CSMD1: variants seen among roughly 807,000 people sequenced by gnomAD.
The protein encoded by CSMD1 is CUB and sushi domain-containing protein 1.
Under a neutral mutation model 417.5 loss-of-function variants are expected in CSMD1, and 213 were observed. The observed-to-expected ratio is 0.51, with a 90% CI of 0.46 to 0.57. The LOEUF (loss-of-function observed/expected upper bound fraction) is 0.57. Among genes scored for constraint, CSMD1 ranks in the 20% least tolerant of loss-of-function variants. The pLI is 0.00. For synonymous variants in CSMD1, 2,862 were observed against 1,736.8 expected, an observed-to-expected ratio of 1.65 and a Z score of -16.11; for missense variants, 6,923 against 4,529.7, an observed-to-expected ratio of 1.53 and a Z score of -15.17.
intron 2 of CSMD1, among the ~76,000 whole-genome samples, chr8:4,519,869 G>C (rs1409510379): frequency 6.7e-6 from 1 of 149,126 alleles, no homozygotes; most frequent in Non-Finnish European, 1.5e-5. Context: ...CACTAGATTT[G>C]GTTCATGAGG....
rs369235539 is a variant in CSMD1, at chr8:4,098,951, C to G, written c.416-66852G>C. ...GTACAACACAGAAAAAATGTTAAAA[C>G]TGTTTTACAATTTTCAAAGAGGTAA... On this transcript the variant is annotated intron_variant, in intron 3 of 69. Coordinates refer to ENST00000635120, the MANE Select transcript of CSMD1 (RefSeq NM_033225.6). Among the ~76,000 whole-genome samples, 3 of 152,158 alleles carry G rather than the reference C, an allele frequency of 2.0e-5. No individual in the cohort carries two copies. The East Asian group carries it at 5.8e-4, about 29-fold the overall frequency.
chr8:4,016,326 T>C (rs1231430162), intron 4 of CSMD1, among the ~76,000 whole-genome samples: 1 of 152,110 alleles, frequency 6.6e-6, no homozygotes, highest in Non-Finnish European at 1.5e-5. Context: ...AATTAACTAC[T>C]GACCAACTGA....
At chr8:3,350,114 TG>T (rs1236525908) in intron 21 of CSMD1, among the ~76,000 whole-genome samples, 1 of 126,102 alleles carries the variant, frequency 7.9e-6, no homozygotes. Flanking sequence ...CTTGTGTATG[TG>T]TGTGTTACAA....
intron 5 of CSMD1, among the ~76,000 whole-genome samples, chr8:3,769,459 T>C (rs1029210311): frequency 8.2e-5 from 9 of 109,304 alleles, no homozygotes; most frequent in African/African-American, 2.2e-4. Flanking sequence ...GCTGAACTCA[T>C]TGTTTTTCTT....
At chr8:4,944,034 G>A (rs1808205494) in intron 1 of CSMD1, among the ~76,000 whole-genome samples, 1 of 152,116 alleles carries the variant, frequency 6.6e-6, no homozygotes. Flanking sequence ...AAAATAAGCT[G>A]GAAAGTCTGG....
chr8:4,790,014 T>G (rs1375764745), intron 1 of CSMD1, among the ~76,000 whole-genome samples: 2 of 152,146 alleles, frequency 1.3e-5, no homozygotes, highest in African/African-American at 4.8e-5. Flanking sequence ...CAAGTTATAG[T>G]GATGAAAAGG....
chr8:3,776,516 G>T (rs149206264), intron 5 of CSMD1, among the ~76,000 whole-genome samples: 2 of 152,094 alleles, frequency 1.3e-5, no homozygotes, highest in Admixed American at 6.5e-5. Flanking sequence ...ACACCCTGGG[G>T]CCTTGGAACT....
intron 23 of CSMD1, among the ~76,000 whole-genome samples, chr8:3,327,649 A>G (rs1210226311): frequency 4.6e-5 from 7 of 152,222 alleles, no homozygotes; most frequent in Non-Finnish European, 8.8e-5. Context: ...TTTGAGGTAG[A>G]CCACTCATTT....
At chr8:3,997,549 TAAAAG>T (rs887588804) in intron 5 of CSMD1, among the ~76,000 whole-genome samples, 2 of 152,094 alleles carry the variant, frequency 1.3e-5, no homozygotes, top group African/African-American at 4.8e-5. Context: ...TAACGTGAGA[TAAAAG>T]AAAATACACA....
intron 1 of CSMD1, among the ~76,000 whole-genome samples, chr8:4,922,753 G>A (rs978872581): frequency 6.6e-6 from 1 of 152,100 alleles, no homozygotes; most frequent in African/African-American, 2.4e-5. Flanking sequence ...GATTGCCAGA[G>A]GTGTAAAGAA....
At chr8:4,076,421 G>C (rs899988391) in intron 3 of CSMD1, among the ~76,000 whole-genome samples, 2 of 152,118 alleles carry the variant, frequency 1.3e-5, no homozygotes, top group African/African-American at 4.8e-5. Flanking sequence ...AATACAATAA[G>C]CATAGACTTT....
intron 12 of CSMD1, among the ~76,000 whole-genome samples, chr8:3,440,466 T>C (rs546051606): frequency 1.1e-4 from 16 of 152,332 alleles, no homozygotes; most frequent in Non-Finnish European, 7.3e-5. Flanking sequence ...TATATAGAAA[T>C]ACAGTAGATT....
At chr8:3,589,965 G>GGTCA (rs10636782) in intron 8 of CSMD1, among the ~76,000 whole-genome samples, 132,700 of 151,886 alleles carry the variant, frequency 0.87, 58,304 homozygotes, top group African/African-American at 0.91. Context: ...GGAAATTTCT[G>GGTCA]GTGATATTCT....
At position 4,718,313 on chromosome 8, in the gene CSMD1, C is replaced by T. The variant is rs932990434; in HGVS notation, c.86-80755G>A. On this transcript the variant is annotated intron_variant, in intron 1 of 69. Coordinates refer to ENST00000635120, the MANE Select transcript of CSMD1 (RefSeq NM_033225.6). ...TCAAAATTTTAAAAAACATATATAA[C>T]GATTTCTTATATTAACAATCAATTA... 7.2e-5 allele frequency among the ~76,000 whole-genome samples: 11 copies of T among 152,070 alleles called. No individual in the cohort carries two copies. In the East Asian group the frequency reaches 9.6e-4, roughly 13 times the overall value.
intron 2 of CSMD1, among the ~76,000 whole-genome samples, chr8:4,574,178 A>C (rs1230921663): frequency 6.7e-6 from 1 of 149,410 alleles, no homozygotes; most frequent in Non-Finnish European, 1.5e-5. Flanking sequence ...TCCAAAAAAA[A>C]CCTCTTGCAG....
intron 3 of CSMD1, among the ~76,000 whole-genome samples, chr8:4,291,836 T>G (rs1797385126): frequency 1.3e-5 from 2 of 152,212 alleles, no homozygotes; most frequent in South Asian, 2.1e-4. Flanking sequence ...CATATGGCCT[T>G]TGCAAAATAA....
intron 2 of CSMD1, among the ~76,000 whole-genome samples, chr8:4,478,753 T>C (rs552797967): frequency 6.6e-6 from 1 of 152,312 alleles, no homozygotes; most frequent in East Asian, 1.9e-4. Context: ...CTCATAGAAA[T>C]TCATAAAATA....
At chr8:3,467,625 C>T (rs1419819061) in intron 12 of CSMD1, among the ~76,000 whole-genome samples, 3 of 152,160 alleles carry the variant, frequency 2.0e-5, no homozygotes, top group Admixed American at 6.5e-5. Context: ...CTATTTTATG[C>T]TTTGTAGATG....
intron 12 of CSMD1, among the ~76,000 whole-genome samples, chr8:3,465,318 T>A (rs182765721): frequency 1.1e-4 from 16 of 152,246 alleles, no homozygotes; most frequent in Admixed American, 7.2e-4. Context: ...TCCAGGCATC[T>A]TGAGGGGATG....
Sources: allele counts gnomAD v4.1 joint callset (sites outside exome capture counted in the v4.1 genomes callset), GRCh38; gene constraint gnomAD v4.1.1; transcripts MANE v1.5; gene names NCBI Gene and HGNC (gene_info 2026-07-23, HGNC 2026-07-21).